The following TRIM33 variants were observed in gnomAD, a reference collection of about 807,000 sequenced individuals.
TRIM33 encodes the protein tripartite motif containing 33, also known as E3 ubiquitin-protein ligase TRIM33.
In TRIM33, 20 loss-of-function variants were observed where a neutral mutation model predicts 125.4. The ratio of observed to expected loss-of-function variants is 0.16; its 90% CI spans 0.11 to 0.23. The LOEUF is 0.23. Among genes scored for constraint, TRIM33 ranks in the 10% least tolerant of loss-of-function variants. The probability of loss-of-function intolerance (pLI) is 1.00; values close to 1 mark genes in which losing one functional copy is unlikely to be tolerated. For synonymous variants in TRIM33, 564 were observed against 513.9 expected (o/e 1.10, Z -1.32); for missense variants, 920 against 1,411.4 (o/e 0.65, Z 5.58).
At chr1:114,413,578 A>AGAAAAAAACTTTTTCT (rs1553206938) in intron 11 of TRIM33, among the ~76,000 whole-genome samples, 1 of 132,224 alleles carries the variant, frequency 7.6e-6, no homozygotes, top group Admixed American at 7.4e-5. Flanking sequence ...AAAAAAGAAA[A>AGAAAAAAACTTTTTCT]GAAAAGAAAA....
intron 11 of TRIM33, among the ~76,000 whole-genome samples, chr1:114,416,210 C>T (rs372586188): frequency 6.6e-6 from 1 of 152,014 alleles, no homozygotes. Context: ...AAAAGGATTC[C>T]ATATTTAGGT....
At chr1:114,449,160 G>A (rs1283678714) in intron 4 of TRIM33, among the ~76,000 whole-genome samples, 1 of 147,428 alleles carries the variant, frequency 6.8e-6, no homozygotes, top group Non-Finnish European at 1.5e-5. Context: ...AGAAAGAATG[G>A]TCTAAAAAAA....
chr1:114,489,007 A>C (rs1317802505), intron 1 of TRIM33, among the ~76,000 whole-genome samples: 1 of 152,208 alleles, frequency 6.6e-6, no homozygotes, highest in Non-Finnish European at 1.5e-5. Flanking sequence ...CCCTGAGTGC[A>C]CCACTGCACT....
rs950598334 is a variant in TRIM33, at chr1:114,422,013, T to C, written c.1861-377A>G. Among the ~76,000 whole-genome samples, 4 of 152,312 alleles carry C rather than the reference T, an allele frequency of 2.6e-5. No homozygotes were observed. The East Asian group carries it at 7.7e-4, about 29-fold the overall frequency. Reference sequence around the variant, plus strand: ...TCATTTTTCCAATAAAAATGATATATAATGCAGCTTGAAGTGGCAGAAAGA... The same window carrying C: ...TCATTTTTCCAATAAAAATGATATACAATGCAGCTTGAAGTGGCAGAAAGA... On this transcript the variant is annotated intron_variant, in intron 10 of 19. Coordinates refer to ENST00000358465, the MANE Select transcript of TRIM33 (RefSeq NM_015906.4).
intron 1 of TRIM33, among the ~76,000 whole-genome samples, chr1:114,501,171 C>T (rs1265097933): frequency 1.9e-5 from 1 of 51,558 alleles, no homozygotes; most frequent in Non-Finnish European, 3.6e-5. Flanking sequence ...GCCTGGGCGA[C>T]AGAGCGAGAC....
At chr1:114,464,629 C>T (rs1276907255) in intron 1 of TRIM33, among the ~76,000 whole-genome samples, 1 of 152,116 alleles carries the variant, frequency 6.6e-6, no homozygotes, top group East Asian at 1.9e-4. Flanking sequence ...ATGTGGTTAG[C>T]TGAATAATTG....
chr1:114,401,364 C>A, intron 17 of TRIM33, 25 bp downstream of exon 17: 1 of 1,600,606 alleles, frequency 6.2e-7, no homozygotes, highest in South Asian at 1.1e-5. Context: ...ACTTCCCCAC[C>A]GAGCTACTAA....
chr1:114,422,863 ATAT>A (rs1358386573), intron 10 of TRIM33, among the ~76,000 whole-genome samples: 1 of 152,168 alleles, frequency 6.6e-6, no homozygotes, highest in African/African-American at 2.4e-5. Context: ...GAATTGAGGG[ATAT>A]TACTATAATA....
At chr1:114,424,522 G>C in intron 10 of TRIM33, 69 bp downstream of exon 10, 1 of 1,409,718 alleles carries the variant, frequency 7.1e-7, no homozygotes, top group Non-Finnish European at 9.5e-7. Flanking sequence ...CTCCCAAAAA[G>C]TGATTAAGAA....
intron 4 of TRIM33, among the ~76,000 whole-genome samples, chr1:114,454,650 T>G (rs1649519998): frequency 6.7e-6 from 1 of 148,288 alleles, no homozygotes; most frequent in Non-Finnish European, 1.5e-5. Flanking sequence ...ACTCGAAGCC[T>G]GGGCAATAGC....
intron 1 of TRIM33, among the ~76,000 whole-genome samples, chr1:114,504,124 T>C (rs954244660): frequency 6.6e-6 from 1 of 152,224 alleles, no homozygotes; most frequent in Non-Finnish European, 1.5e-5. Flanking sequence ...ATGACTTTTA[T>C]AGTATGGCTT....
At chr1:114,470,330 AT>A (rs1293819508) in intron 1 of TRIM33, among the ~76,000 whole-genome samples, 4 of 152,080 alleles carry the variant, frequency 2.6e-5, no homozygotes, top group African/African-American at 9.7e-5. Flanking sequence ...CATTTTGTTA[AT>A]TTTTGCAATA....
In TRIM33 at chr1:114,463,519, C is replaced by T. The variant is rs751022140; in HGVS notation, c.683G>A (p.Gly228Asp). 6.2e-7 allele frequency: 1 copy of T among 1,611,006 alleles called. No individual in the cohort carries two copies. The highest frequency in any genetic ancestry group is 8.5e-7 in the Non-Finnish European group (1 of 1,177,532). Residue 228 changes from glycine (G) to aspartate (D), a missense_variant, in exon 3 of 20, where the codon GGC (glycine) becomes GAC (aspartate). Around this residue, in one of 8 missense-constraint regions of TRIM33, gnomAD observed 24 missense variants for 83.9 expected, o/e 0.29. Transcript: ENST00000358465. ...CCACTCTCCACATTCTACACAAAAG[C>T]CAACTGCACTTGCATTGTCTTCACA... ...TSCEDNASAV[G>D]FCVECGEWLC...
intron 1 of TRIM33, among the ~76,000 whole-genome samples, chr1:114,477,091 T>C (rs1438906607): frequency 1.3e-5 from 2 of 152,104 alleles, no homozygotes; most frequent in Admixed American, 1.3e-4. Flanking sequence ...TGTCAATCTG[T>C]CAAAAGAATA....
rs117987585 is a variant in TRIM33 at position 114,456,247 on chromosome 1, G to A, written c.923+6857C>T. Reference sequence around the variant, plus strand: ...AATGTTGATGAGAAATGCTAATTAGGAACCACCAGAACCACCCAGGCCCTC... The same window carrying A: ...AATGTTGATGAGAAATGCTAATTAGAAACCACCAGAACCACCCAGGCCCTC... On this transcript the variant is annotated intron_variant, in intron 4 of 19. Transcript: ENST00000358465. Among the ~76,000 whole-genome samples the A allele has an allele frequency of 1.1e-4, 17 of 152,252 alleles. No homozygotes were observed. In the East Asian group the frequency reaches 3.1e-3, roughly 28 times the overall value.
At chr1:114,509,572 T>C (rs1653213536) in intron 1 of TRIM33, among the ~76,000 whole-genome samples, 1 of 152,206 alleles carries the variant, frequency 6.6e-6, no homozygotes, top group Non-Finnish European at 1.5e-5. Flanking sequence ...CAATCCAATC[T>C]AATTTCCACC....
chr1:114,429,651 C>T (rs1231661500), intron 6 of TRIM33, among the ~76,000 whole-genome samples: 1 of 149,774 alleles, frequency 6.7e-6, no homozygotes, highest in Admixed American at 6.7e-5. Context: ...AAACTATTGA[C>T]AATTTGAGGT....
At chr1:114,444,146 G>A (rs907716185) in intron 4 of TRIM33, among the ~76,000 whole-genome samples, 3 of 152,176 alleles carry the variant, frequency 2.0e-5, no homozygotes, top group African/African-American at 4.8e-5. Flanking sequence ...CAAAAATCAC[G>A]GTGTGGGCTC....
intron 1 of TRIM33, among the ~76,000 whole-genome samples, chr1:114,474,834 G>A (rs1337464178): frequency 6.6e-6 from 1 of 151,276 alleles, no homozygotes; most frequent in Non-Finnish European, 1.5e-5. Context: ...GGAGGTTGTG[G>A]TGAGCCGAGA....
Sources: gnomAD v4.1 joint callset for allele counts (sites outside exome capture counted in the v4.1 genomes callset) on GRCh38, gnomAD v4.1.1 for gene constraint, gnomAD v4.1.1 regional missense constraint, MANE v1.5 for transcripts, NCBI Gene and HGNC (gene_info 2026-07-23, HGNC 2026-07-21) for gene names.